FAM120C: variants seen among roughly 807,000 people sequenced by gnomAD.
The protein encoded by FAM120C is constitutive coactivator of PPAR-gamma-like protein 2.
In FAM120C, 14 loss-of-function variants were observed where a neutral mutation model predicts 71.2. The observed-to-expected ratio is 0.20, with a 90% CI of 0.13 to 0.31. The LOEUF (loss-of-function observed/expected upper bound fraction) is 0.31. Among genes scored for constraint, FAM120C ranks in the 10% least tolerant of loss-of-function variants. The pLI is 1.00. For synonymous variants in FAM120C, 354 were observed against 353.2 expected, an observed-to-expected ratio of 1.00 and a Z score of -0.03; for missense variants, 500 against 879.0, an observed-to-expected ratio of 0.57 and a Z score of 5.45.
Position 54,095,543 on chromosome X carries a change from C to T in FAM120C, c.2313-4117G>A, listed in dbSNP as rs782213194. 1.2e-4 allele frequency among the ~76,000 whole-genome samples: 13 copies of T among 110,718 alleles called. No homozygotes were observed. In the South Asian group the frequency reaches 4.2e-3, roughly 36 times the overall value. On this transcript the variant is annotated intron_variant, in intron 10 of 15. Coordinates refer to ENST00000375180, the MANE Select transcript of FAM120C (RefSeq NM_017848.6). Reference sequence around the variant, plus strand: ...GTATTTTTTATTAGAGTCAGAGTTTCGTCATGTTGCCCAGGTTGCTCCTAA... The same window carrying T: ...GTATTTTTTATTAGAGTCAGAGTTTTGTCATGTTGCCCAGGTTGCTCCTAA...
At chrX:54,166,741 A>T (rs782058326) in intron 1 of FAM120C, among the ~76,000 whole-genome samples, 3 of 111,873 alleles carry the variant, frequency 2.7e-5, no homozygotes, top group African/African-American at 6.5e-5. Flanking sequence ...TATATATATA[A>T]AATGTATACT....
chrX:54,148,571 C>A (rs151237537), intron 4 of FAM120C, among the ~76,000 whole-genome samples: 1 of 111,593 alleles, frequency 9.0e-6, no homozygotes, highest in African/African-American at 3.2e-5. Flanking sequence ...TGCTCAAGCC[C>A]GGGAGGCGGA....
intron 6 of FAM120C, 60 bp downstream of exon 6, chrX:54,135,468 A>G (rs2067089844): frequency 9.7e-7 from 1 of 1,026,976 alleles, no homozygotes; most frequent in African/African-American, 1.9e-5. Flanking sequence ...TCCTCAGATT[A>G]TAAAAATCAG....
intron 15 of FAM120C, among the ~76,000 whole-genome samples, chrX:54,077,618 G>C (rs1033547560): frequency 2.7e-5 from 3 of 111,099 alleles, no homozygotes; most frequent in African/African-American, 6.5e-5. Context: ...GGGAGGTTGA[G>C]GCTGCAGTGC....
intron 15 of FAM120C, among the ~76,000 whole-genome samples, chrX:54,075,765 C>T (rs1206661756): frequency 1.9e-5 from 2 of 103,611 alleles, no homozygotes; most frequent in African/African-American, 7.1e-5. Context: ...CGCCACTGCA[C>T]TCCAGCCTGG....
At chrX:54,112,952 G>A (rs1346519828) in intron 10 of FAM120C, among the ~76,000 whole-genome samples, 1 of 109,545 alleles carries the variant, frequency 9.1e-6, no homozygotes, top group Non-Finnish European at 1.9e-5. Context: ...CCTGGGAGGC[G>A]GAGGTTGTGG....
At chrX:54,136,937 T>C (rs782256079) in intron 4 of FAM120C, among the ~76,000 whole-genome samples, 2 of 108,096 alleles carry the variant, frequency 1.9e-5, no homozygotes, top group South Asian at 7.7e-4. Context: ...GTTTTAATTT[T>C]ATTATTTTAT....
intron 1 of FAM120C, among the ~76,000 whole-genome samples, chrX:54,181,545 T>G (rs1187949781): frequency 2.7e-5 from 3 of 111,697 alleles, no homozygotes; most frequent in Non-Finnish European, 5.6e-5. Flanking sequence ...CAGATTGGAC[T>G]TAACTGCCTA....
chrX:54,166,988 T>C (rs890873236), intron 1 of FAM120C, among the ~76,000 whole-genome samples: 1 of 110,792 alleles, frequency 9.0e-6, no homozygotes. Flanking sequence ...AATATGGCAG[T>C]GTGTAGAATG....
chrX:54,077,939 CTT>C (rs1194855968), intron 15 of FAM120C, among the ~76,000 whole-genome samples: 2 of 55,296 alleles, frequency 3.6e-5, no homozygotes, highest in African/African-American at 1.2e-4. Context: ...AAGATCTACT[CTT>C]TTTTTTTTTT....
chrX:54,139,077 AG>A (rs2067109660), intron 4 of FAM120C, among the ~76,000 whole-genome samples: 1 of 111,293 alleles, frequency 9.0e-6, no homozygotes, highest in Non-Finnish European at 1.9e-5. Context: ...ATTTTTATGT[AG>A]GTCTTCTGGG....
Position 54,110,011 on chromosome X carries a change from C to CTTT in FAM120C, c.2312+6531_2312+6533dup, listed in dbSNP as rs782078837. On this transcript the variant is annotated intron_variant, in intron 10 of 15. Coordinates refer to ENST00000375180, the MANE Select transcript of FAM120C (RefSeq NM_017848.6). ...AGTATAAGAAAACGTAGAAAAATAT[C>CTTT]TTTTTTTTTTTTTTTTTTTTTCTGA... is the stretch of plus-strand genomic sequence containing the variant. 1.1e-3 allele frequency among the ~76,000 whole-genome samples: 66 copies of CTTT among 61,417 alleles called. 1 individual carries two copies. Among genetic ancestry groups the CTTT allele is most frequent in the Admixed American group, 1.7e-3 (6 of 3,492 alleles). 53.3% of individuals were successfully genotyped at this position (61,417 alleles called of 115,157 possible).
intron 10 of FAM120C, among the ~76,000 whole-genome samples, chrX:54,109,440 T>C (rs782553199): frequency 1.6e-3 from 168 of 102,517 alleles, no homozygotes; most frequent in Non-Finnish European, 2.7e-3. Context: ...TTGGGCAACA[T>C]AGACCCCATC....
In FAM120C at chrX:54,129,184, C is replaced by A. The variant is rs1471274310; in HGVS notation, c.2062+3508G>T. ...GGCTGACCCCCACCTCCCTCCCGGA[C>A]GGGGTGGCTGCCGGGTGGAGACGCT... On this transcript the variant is annotated intron_variant, in intron 9 of 15. Coordinates refer to ENST00000375180, the MANE Select transcript of FAM120C (RefSeq NM_017848.6). 4.8e-4 allele frequency among the ~76,000 whole-genome samples: 51 copies of A among 107,283 alleles called. 2 individuals are homozygous for A. In the East Asian group the frequency reaches 9.8e-3, roughly 21 times the overall value. 93.2% of individuals were successfully genotyped at this position (107,283 alleles called of 115,157 possible).
chrX:54,136,142 G>A (rs1017328175), intron 5 of FAM120C, among the ~76,000 whole-genome samples: 2 of 111,125 alleles, frequency 1.8e-5, no homozygotes, highest in Non-Finnish European at 3.8e-5. Flanking sequence ...GGGATTACAG[G>A]CGCCTGCCAC....
chrX:54,145,870 T>C (rs1431679890), intron 4 of FAM120C, among the ~76,000 whole-genome samples: 1 of 111,977 alleles, frequency 8.9e-6, no homozygotes, highest in Non-Finnish European at 1.9e-5. Flanking sequence ...ATGTTTACTG[T>C]GGCACTATTC....
At chrX:54,173,685 G>A (rs782124692) in intron 1 of FAM120C, 2 of 117,999 alleles carry the variant, frequency 1.7e-5, no homozygotes, top group Non-Finnish European at 1.7e-5. Context: ...GTTCAAATAC[G>A]TGAACTTCTT....
chrX:54,153,477 G>A (rs977443088), intron 3 of FAM120C, among the ~76,000 whole-genome samples: 3 of 106,790 alleles, frequency 2.8e-5, no homozygotes, highest in Admixed American at 1.0e-4. Flanking sequence ...GCACGATCTC[G>A]ACTCACTGCA....
At chrX:54,152,493 A>C (rs1311937265) in intron 3 of FAM120C, among the ~76,000 whole-genome samples, 1 of 112,058 alleles carries the variant, frequency 8.9e-6, no homozygotes, top group African/African-American at 3.2e-5. Context: ...CCTGACCTCA[A>C]GTGATCCGCC....
Sources: gnomAD v4.1 joint callset for allele counts (sites outside exome capture counted in the v4.1 genomes callset) on GRCh38, gnomAD v4.1.1 for gene constraint, MANE v1.5 for transcripts, NCBI Gene and HGNC (gene_info 2026-07-23, HGNC 2026-07-21) for gene names.